PTPRD: variants seen among roughly 807,000 people sequenced by gnomAD.
The protein encoded by PTPRD is receptor-type tyrosine-protein phosphatase delta.
In PTPRD, 34 loss-of-function variants were observed where a neutral mutation model predicts 214.5. The observed-to-expected ratio is 0.16, with a 90% CI of 0.12 to 0.21. PTPRD has a LOEUF of 0.21. Ranked by LOEUF, PTPRD falls within the 10% of genes least tolerant of loss-of-function variation. PTPRD has a pLI of 1.00. For missense variants in PTPRD, 2,545 were observed against 2,398.7 expected, an observed-to-expected ratio of 1.06 and a Z score of -1.27; for synonymous variants, 1,128 against 845.7, an observed-to-expected ratio of 1.33 and a Z score of -5.79.
chr9:9,225,123 T>TA (rs1165481966), intron 9 of PTPRD, among the ~76,000 whole-genome samples: 1 of 152,026 alleles, frequency 6.6e-6, no homozygotes, highest in African/African-American at 2.4e-5. Flanking sequence ...AACTTCTTGA[T>TA]AAAAAGTACA....
chr9:9,299,010 C>T (rs554663394), intron 9 of PTPRD, among the ~76,000 whole-genome samples: 109 of 151,696 alleles, frequency 7.2e-4, no homozygotes, highest in South Asian at 3.7e-3. Flanking sequence ...GCTTCTTTGC[C>T]AACTTCATTA....
chr9:10,338,549 A>G (rs757136108), intron 3 of PTPRD, among the ~76,000 whole-genome samples: 1 of 151,724 alleles, frequency 6.6e-6, no homozygotes, highest in Admixed American at 6.6e-5. Context: ...TATCACATCT[A>G]TAGATAAAGG....
At chr9:9,847,166 A>C (rs2059693412) in intron 5 of PTPRD, among the ~76,000 whole-genome samples, 1 of 152,106 alleles carries the variant, frequency 6.6e-6, no homozygotes, top group African/African-American at 2.4e-5. Context: ...AGTGGTTAAA[A>C]TTAAGCCCTG....
intron 8 of PTPRD, among the ~76,000 whole-genome samples, chr9:9,434,185 T>C (rs1262757804): frequency 6.6e-6 from 1 of 152,128 alleles, no homozygotes; most frequent in African/African-American, 2.4e-5. Flanking sequence ...GATTAAGTAT[T>C]CTAAATTAAT....
intron 7 of PTPRD, among the ~76,000 whole-genome samples, chr9:9,714,160 A>C (rs147534206): frequency 1.2e-3 from 188 of 152,112 alleles, no homozygotes; most frequent in African/African-American, 4.4e-3. Context: ...CCTGTATTTA[A>C]AGCTGAAATG....
At chr9:9,615,422 A>G (rs980808849) in intron 7 of PTPRD, among the ~76,000 whole-genome samples, 8 of 152,080 alleles carry the variant, frequency 5.3e-5, no homozygotes, top group Non-Finnish European at 1.0e-4. Flanking sequence ...ACCAGTAAAC[A>G]TCTCTGCTCT....
At chr9:10,124,588 T>A (rs887869647) in intron 3 of PTPRD, among the ~76,000 whole-genome samples, 1 of 152,190 alleles carries the variant, frequency 6.6e-6, no homozygotes, top group Non-Finnish European at 1.5e-5. Context: ...TATCAAGCCA[T>A]ATATATGTCT....
At chr9:10,049,626 G>T (rs1302176766) in intron 3 of PTPRD, among the ~76,000 whole-genome samples, 1 of 152,112 alleles carries the variant, frequency 6.6e-6, no homozygotes, top group Non-Finnish European at 1.5e-5. Context: ...TACTATGTGA[G>T]GGATATTCAT....
At chr9:9,279,768 A>C (rs1461516107) in intron 9 of PTPRD, among the ~76,000 whole-genome samples, 1 of 151,124 alleles carries the variant, frequency 6.6e-6, no homozygotes, top group African/African-American at 2.4e-5. Flanking sequence ...AGAGCATGCA[A>C]TATTACTCTC....
chr9:9,298,242 G>A (rs978131769), intron 9 of PTPRD, among the ~76,000 whole-genome samples: 1 of 151,574 alleles, frequency 6.6e-6, no homozygotes, highest in South Asian at 2.1e-4. Context: ...ACAAATGCAA[G>A]CAGAGTTTTA....
intron 8 of PTPRD, among the ~76,000 whole-genome samples, chr9:9,548,361 C>T (rs762439617): frequency 1.3e-5 from 2 of 150,250 alleles, no homozygotes; most frequent in Non-Finnish European, 3.0e-5. Context: ...GAGTGTATGA[C>T]AGAGCTTGAT....
intron 10 of PTPRD, among the ~76,000 whole-genome samples, chr9:9,042,782 A>C (rs925475074): frequency 6.6e-6 from 1 of 151,954 alleles, no homozygotes; most frequent in African/African-American, 2.4e-5. Flanking sequence ...CCTCCTTTGT[A>C]AGTAGGGCAC....
At chr9:8,365,625 T>A (rs10976996) in intron 39 of PTPRD, among the ~76,000 whole-genome samples, 19,076 of 152,026 alleles carry the variant, frequency 0.13, 1,421 homozygotes, top group African/African-American at 0.21. Context: ...AGAGGTAGAA[T>A]AAATGAGGTC....
chr9:8,755,082 T>C (rs527336987), intron 11 of PTPRD, among the ~76,000 whole-genome samples: 1 of 152,146 alleles, frequency 6.6e-6, no homozygotes, highest in South Asian at 2.1e-4. Context: ...GCAGTGCAAA[T>C]TAAAACTCAT....
chr9:9,512,155 C>T (rs897096501), intron 8 of PTPRD, among the ~76,000 whole-genome samples: 61 of 151,856 alleles, frequency 4.0e-4, no homozygotes, highest in African/African-American at 1.4e-3. Context: ...CTCATGATCT[C>T]TCTTATTCAA....
At chr9:10,142,168 A>G (rs1219556712) in intron 3 of PTPRD, among the ~76,000 whole-genome samples, 1 of 152,028 alleles carries the variant, frequency 6.6e-6, no homozygotes, top group Admixed American at 6.6e-5. Context: ...AACCATAAAA[A>G]CCCTAGAAGA....
intron 5 of PTPRD, among the ~76,000 whole-genome samples, chr9:9,827,211 C>G (rs1480404419): frequency 2.0e-5 from 3 of 152,012 alleles, no homozygotes. Context: ...CAATCCTAAG[C>G]CAAAAGAACA....
chr9:8,502,604 A>T (rs2097434607), intron 23 of PTPRD, among the ~76,000 whole-genome samples: 2 of 152,084 alleles, frequency 1.3e-5, no homozygotes, highest in African/African-American at 4.8e-5. Context: ...TTATATCTCA[A>T]ATTATAAAAC....
chr9:8,787,781 C>A (rs1280841917), intron 11 of PTPRD, among the ~76,000 whole-genome samples: 1 of 152,040 alleles, frequency 6.6e-6, no homozygotes, highest in African/African-American at 2.4e-5. Context: ...CTGACTCTAC[C>A]CTTTATGTCA....
Sources: gnomAD v4.1 joint callset for allele counts (sites outside exome capture counted in the v4.1 genomes callset) on GRCh38, gnomAD v4.1.1 for gene constraint, MANE v1.5 for transcripts, NCBI Gene and HGNC (gene_info 2026-07-23, HGNC 2026-07-21) for gene names.